REV3L: variants seen among roughly 807,000 people sequenced by gnomAD.
The protein encoded by REV3L is REV3 like, DNA directed polymerase zeta catalytic subunit.
A neutral mutation model predicts 299.4 loss-of-function variants in REV3L; 69 were observed. The observed-to-expected ratio is 0.23, with a 90% CI of 0.19 to 0.28. REV3L has a LOEUF of 0.28. REV3L is among the 10% of genes least tolerant of loss of function. The pLI is 1.00. For missense variants in REV3L, 3,128 were observed against 3,693.8 expected, an observed-to-expected ratio of 0.85 and a Z score of 3.97; for synonymous variants, 1,238 against 1,271.4, an observed-to-expected ratio of 0.97 and a Z score of 0.56.
chr6:111,435,389 C>T (rs1423447087), intron 1 of REV3L, among the ~76,000 whole-genome samples: 3 of 152,168 alleles, frequency 2.0e-5, no homozygotes, highest in Non-Finnish European at 2.9e-5. Context: ...GGAGGCATCA[C>T]ACTACCTGAC....
chr6:111,423,523 A>C lies in REV3L; in HGVS notation c.140-7051T>G, dbSNP rs148687315. On this transcript the variant is annotated intron_variant, in intron 1 of 31. Transcript: ENST00000368802. ...GAAGGAGAGAAAGAAAAAGAGTATG[A>C]GAGAGAGAAAAACAGTGTGTGTGTG... Among the ~76,000 whole-genome samples, 188 of 152,082 alleles carry C rather than the reference A, an allele frequency of 1.2e-3. 1 individual carries two copies. The highest frequency in any genetic ancestry group is 4.2e-3 in the African/African-American group (173 of 41,478).
intron 1 of REV3L, among the ~76,000 whole-genome samples, chr6:111,418,545 G>C (rs1784998546): frequency 6.6e-6 from 1 of 152,164 alleles, no homozygotes; most frequent in African/African-American, 2.4e-5. Flanking sequence ...AGGTAATAGG[G>C]TAAGTGCTTT....
At position 111,373,866 on chromosome 6, in the gene REV3L, A is replaced by T. The variant is rs574635361; in HGVS notation, c.4489T>A (p.Ser1497Thr). 1 of 1,614,068 alleles carries T rather than the reference A, an allele frequency of 6.2e-7. No homozygotes were observed. Among genetic ancestry groups the T allele is most frequent in the South Asian group, 1.1e-5 (1 of 91,058 alleles). The change falls in exon 13 of 32, where the codon TCA becomes ACA. Residue 1497 changes from serine to threonine, a missense_variant. By Grantham distance (58) the Ser-to-Thr change is moderately conservative (BLOSUM62 1). This residue lies in a region of REV3L where 2,409 missense variants were observed against 2,611.8 expected (regional missense o/e 0.92). Coordinates refer to ENST00000368802, the MANE Select transcript of REV3L (RefSeq NM_001372078.1). ...GCTTTGGTTTGTGAAATTGCTTCTG[A>T]TAACGACCTCGGTTTTACTCTTTCA... is the stretch of plus-strand genomic sequence containing the variant. Reference protein sequence around the residue: ...KPERVKPRSLSEAISQTKALS... With the variant: ...KPERVKPRSLTEAISQTKALS...
At chr6:111,394,957 G>T (rs1782336096) in intron 4 of REV3L, among the ~76,000 whole-genome samples, 1 of 152,092 alleles carries the variant, frequency 6.6e-6, no homozygotes, top group Non-Finnish European at 1.5e-5. Flanking sequence ...CTCCCAAACT[G>T]TTGAGATTAG....
intron 20 of REV3L, among the ~76,000 whole-genome samples, chr6:111,348,775 AAGT>A (rs1777276451): frequency 6.6e-6 from 1 of 152,152 alleles, no homozygotes; most frequent in African/African-American, 2.4e-5. Context: ...TCAGCCTCCC[AAGT>A]AGCTGGGACC....
chr6:111,310,310 C>A, intron 29 of REV3L: 1 of 424,248 alleles, frequency 2.4e-6, no homozygotes, highest in Non-Finnish European at 3.8e-6. Context: ...TTAAAAATTA[C>A]TCTGTAAATC....
intron 1 of REV3L, among the ~76,000 whole-genome samples, chr6:111,419,993 T>C (rs1360227305): frequency 6.6e-6 from 1 of 152,050 alleles, no homozygotes; most frequent in East Asian, 1.9e-4. Context: ...TACAGGTGCC[T>C]GCCACCATGC....
At chr6:111,442,327 AGT>A (rs750453122) in intron 1 of REV3L, among the ~76,000 whole-genome samples, 19 of 152,104 alleles carry the variant, frequency 1.2e-4, no homozygotes, top group Non-Finnish European at 1.6e-4. Context: ...CCTTGATGTC[AGT>A]ATTGCATCAA....
intron 29 of REV3L, chr6:111,310,355 C>T (rs1772837140): frequency 3.5e-6 from 1 of 287,968 alleles, no homozygotes; most frequent in South Asian, 1.1e-4. Flanking sequence ...TGGCAGATAT[C>T]AACTAGCTTA....
chr6:111,399,710 C>T (rs752532189), intron 4 of REV3L, among the ~76,000 whole-genome samples: 10 of 152,062 alleles, frequency 6.6e-5, no homozygotes, highest in Non-Finnish European at 1.2e-4. Context: ...ATCACACAGG[C>T]GAAGTACCTT....
intron 1 of REV3L, among the ~76,000 whole-genome samples, chr6:111,422,593 TACACATATATATATATATACAC>T (rs1158206592): frequency 3.1e-5 from 1 of 31,876 alleles, no homozygotes; most frequent in Non-Finnish European, 7.9e-5. Context: ...TATATATATA[TACACATATATATATATATACAC>T]ATATATATAT....
rs1398226991 is a variant in REV3L at position 111,332,933 on chromosome 6, G to A, written c.7925+190C>T. On this transcript the variant is annotated intron_variant, in intron 23 of 31. Transcript: ENST00000368802. ...TCTTCATGAGTCATCCATCCATGAAGCTGGATTAATCATATGGTGATCCAT... is the reference window on the plus strand; with the variant it reads ...TCTTCATGAGTCATCCATCCATGAAACTGGATTAATCATATGGTGATCCAT... Among the ~76,000 whole-genome samples, 5 of 152,278 alleles carry A rather than the reference G, an allele frequency of 3.3e-5. No individual in the cohort carries two copies. The East Asian group carries it at 5.8e-4, about 18-fold the overall frequency.
intron 1 of REV3L, among the ~76,000 whole-genome samples, chr6:111,443,370 A>G (rs1788496052): frequency 6.6e-6 from 1 of 151,718 alleles, no homozygotes; most frequent in African/African-American, 2.4e-5. Flanking sequence ...CTGGTCTCAA[A>G]CTCCTGACAT....
chr6:111,441,211 T>C (rs1309255029), intron 1 of REV3L, among the ~76,000 whole-genome samples: 14 of 152,194 alleles, frequency 9.2e-5, no homozygotes, highest in Admixed American at 9.2e-4. Context: ...CCAATCCCTA[T>C]GCCTCTATTA....
At position 111,411,509 on chromosome 6, in the gene REV3L, G is replaced by A; in HGVS notation, c.375C>T (p.Ile125=). The A allele has an allele frequency of 6.3e-7, 1 of 1,588,874 alleles. No individual in the cohort carries two copies. Among genetic ancestry groups the A allele is most frequent in the South Asian group, 1.1e-5 (1 of 87,896 alleles). Residue 125 remains isoleucine (I), a synonymous_variant, in exon 3 of 32, where the codon ATC becomes ATT. Transcript: ENST00000368802. ...TCACCATTGTAGGATTGTAAAGATA[G>A]ATCTTCATAAAGTGTCTTTCCTTCT... The part of the protein sequence containing the change: ...YHEKERHFMK[I]YLYNPTMVKR...
At chr6:111,348,379 T>C (rs983657408) in intron 20 of REV3L, among the ~76,000 whole-genome samples, 4 of 152,210 alleles carry the variant, frequency 2.6e-5, no homozygotes, top group African/African-American at 9.7e-5. Flanking sequence ...ATTAATGGGA[T>C]AGTTCATTGA....
intron 25 of REV3L, among the ~76,000 whole-genome samples, chr6:111,329,136 T>A (rs1775125652): frequency 6.6e-6 from 1 of 152,036 alleles, no homozygotes; most frequent in South Asian, 2.1e-4. Flanking sequence ...CTCTGCCTCC[T>A]GGGTTCAAGC....
intron 2 of REV3L, among the ~76,000 whole-genome samples, chr6:111,413,240 C>T (rs939301244): frequency 6.6e-6 from 1 of 151,982 alleles, no homozygotes; most frequent in Non-Finnish European, 1.5e-5. Flanking sequence ...TATCTTCAGC[C>T]AGATGAATGG....
rs1562286967 is a variant in REV3L, at chr6:111,422,609, TATACACATATATATATATATAC to T, written c.140-6159_140-6138del. 3.1e-3 allele frequency among the ~76,000 whole-genome samples: 61 copies of T among 19,366 alleles called. 8 individuals carry two copies. Among genetic ancestry groups the T allele is most frequent in the African/African-American group, 4.8e-3 (30 of 6,312 alleles). The allele number at this position is 19,366 out of a possible 152,430, so 12.7% of individuals were successfully genotyped here. A position where few individuals can be genotyped will look rare whatever the true frequency, so the allele number is the denominator to read the frequency against. On this transcript the variant is annotated intron_variant, in intron 1 of 31. Coordinates refer to ENST00000368802, the MANE Select transcript of REV3L (RefSeq NM_001372078.1). ...ATATATATATACACATATATATATA[TATACACATATATATATATATAC>T]ACATATATATATATATACATATATA...
Sources: allele counts gnomAD v4.1 joint callset (sites outside exome capture counted in the v4.1 genomes callset), GRCh38; gene constraint gnomAD v4.1.1; regional missense constraint gnomAD v4.1.1; transcripts MANE v1.5; gene names NCBI Gene and HGNC (gene_info 2026-07-23, HGNC 2026-07-21).